Variants in SLC22A25 observed in about 807,000 individuals in gnomAD.
SLC22A25 encodes MGI:2442751, MGI:2385316, MGI:3042283, MGI:3645714, MGI:3605624, MGI:2442750.
A neutral mutation model predicts 45.9 loss-of-function variants in SLC22A25; 44 were observed. The observed-to-expected ratio is 0.96, with a 90% confidence interval of 0.75 to 1.23. The LOEUF is 1.23. Among genes scored for constraint, SLC22A25 ranks in the 50% most tolerant of loss-of-function variants. The pLI is 0.00. For synonymous variants in SLC22A25, 283 were observed against 238.6 expected, an observed-to-expected ratio of 1.19 and a Z score of -1.72; for missense variants, 800 against 666.4, an observed-to-expected ratio of 1.20 and a Z score of -2.21.
At chr11:63,217,106 G>T (rs1373980189) in intron 7 of SLC22A25, among the ~76,000 whole-genome samples, 1 of 152,132 alleles carries the variant, frequency 6.6e-6, no homozygotes, top group Non-Finnish European at 1.5e-5. Flanking sequence ...AGAAGTATTT[G>T]TTGATTATCT....
chr11:63,170,792 G>A (rs746398352), intron 9 of SLC22A25, among the ~76,000 whole-genome samples: 25 of 152,064 alleles, frequency 1.6e-4, no homozygotes, highest in Non-Finnish European at 3.5e-4. Context: ...GAAAAAGAGG[G>A]ACTCCTCCCT....
intron 11 of SLC22A25, 127 bp downstream of exon 11, chr11:63,164,399 G>C: frequency 1.1e-6 from 1 of 872,418 alleles, no homozygotes; most frequent in East Asian, 2.7e-5. Context: ...GTAATTTGTT[G>C]TTTTTATGAC....
At chr11:63,220,657 A>G (rs1177269304) in intron 5 of SLC22A25, among the ~76,000 whole-genome samples, 1 of 152,166 alleles carries the variant, frequency 6.6e-6, no homozygotes, top group Non-Finnish European at 1.5e-5. Context: ...AAAGTGTACA[A>G]TTAAATTATT....
chr11:63,187,083 A>C (rs1239665040), intron 7 of SLC22A25, among the ~76,000 whole-genome samples: 3 of 152,194 alleles, frequency 2.0e-5, no homozygotes, highest in East Asian at 1.9e-4. Flanking sequence ...TCTATGAAGA[A>C]AGTCATTGGT....
At chr11:63,202,972 T>C (rs756100507) in intron 7 of SLC22A25, among the ~76,000 whole-genome samples, 1 of 152,152 alleles carries the variant, frequency 6.6e-6, no homozygotes, top group Non-Finnish European at 1.5e-5. Context: ...CAGGCAGCAA[T>C]CTTTGCTGTT....
chr11:63,179,485 C>T (rs944663080), intron 9 of SLC22A25, among the ~76,000 whole-genome samples: 2 of 152,216 alleles, frequency 1.3e-5, no homozygotes, highest in African/African-American at 2.4e-5. Context: ...TGTATTTGTG[C>T]ATGTAGATTC....
chr11:63,236,895 G>C (rs73501609), intron 3 of SLC22A25, among the ~76,000 whole-genome samples: 3 of 152,074 alleles, frequency 2.0e-5, no homozygotes, highest in Admixed American at 1.3e-4. Context: ...CGGTTCCCCT[G>C]TCTGGGCTGT....
intron 9 of SLC22A25, among the ~76,000 whole-genome samples, chr11:63,175,739 G>A (rs1483965882): frequency 6.6e-6 from 1 of 151,846 alleles, no homozygotes; most frequent in African/African-American, 2.4e-5. Context: ...CAGGTCTCAT[G>A]TTAAGTCTTG....
chr11:63,217,666 A>C lies in SLC22A25; in HGVS notation c.576T>G (p.Phe192Leu), dbSNP rs1464633533. ...QLAIVGTCAA[F>L]APTILVYCSL... Reference sequence around the variant, plus strand: ...AGCAGTATACGAGGATGGTGGGAGCAAAGGCCGCACAGGTGCCTACAATGG... The same window carrying C: ...AGCAGTATACGAGGATGGTGGGAGCCAAGGCCGCACAGGTGCCTACAATGG... Residue 192 changes from phenylalanine to leucine, a missense_variant, in exon 6 of 12, where the codon TTT becomes TTG. Physicochemically the swap from Phe to Leu is conservative, Grantham distance 22. Coordinates refer to ENST00000306494, the MANE Select transcript of SLC22A25 (RefSeq NM_199352.6). 6.2e-7 allele frequency: 1 copy of C among 1,614,034 alleles called. No individual in the cohort carries two copies.
At chr11:63,230,714 A>G (rs1166438646) in intron 3 of SLC22A25, among the ~76,000 whole-genome samples, 1 of 152,218 alleles carries the variant, frequency 6.6e-6, no homozygotes, top group Non-Finnish European at 1.5e-5. Context: ...GATTTGTTAC[A>G]TATGTATACG....
chr11:63,162,982 G>A lies in SLC22A25; in HGVS notation c.*842C>T, dbSNP rs557181255. Among the ~76,000 whole-genome samples, 1 of 152,168 alleles carries A rather than the reference G, an allele frequency of 6.6e-6. No homozygotes were observed. The highest frequency in any genetic ancestry group is 2.1e-4 in the South Asian group (1 of 4,822). ...CATCTTCTCCTGGTGCAAATATAATGAAACCAACAAACAAAAAAGCTCAAA... is the reference window on the plus strand; with the variant it reads ...CATCTTCTCCTGGTGCAAATATAATAAAACCAACAAACAAAAAAGCTCAAA... On this transcript the variant is annotated 3_prime_UTR_variant, in exon 12 of 12. Transcript: ENST00000306494.
In SLC22A25 at chr11:63,211,441, G is replaced by A. The variant is rs1057508700; in HGVS notation, c.830+5873C>T. On this transcript the variant is annotated intron_variant, in intron 7 of 11. Transcript: ENST00000306494. ...TGGGACAGATTCCTGCTGAGGCCAC[G>A]TGGTTCACATGTCTGGACTTAAAGG... Among the ~76,000 whole-genome samples, 17 of 152,228 alleles carry A rather than the reference G, an allele frequency of 1.1e-4. 1 individual carries two copies. The highest frequency in any genetic ancestry group is 4.1e-4 in the South Asian group (2 of 4,820).
At chr11:63,195,522 T>C (rs1024841849) in intron 7 of SLC22A25, among the ~76,000 whole-genome samples, 18 of 151,962 alleles carry the variant, frequency 1.2e-4, no homozygotes, top group East Asian at 3.9e-4. Flanking sequence ...CATAACAAAA[T>C]GAAGGCAGAA....
intron 4 of SLC22A25, 41 bp downstream of exon 4, chr11:63,229,210 G>T: frequency 6.8e-7 from 1 of 1,476,926 alleles, no homozygotes; most frequent in Non-Finnish European, 9.0e-7. Context: ...ATTCTAAACA[G>T]CCAGGTCATG....
chr11:63,234,134 C>T (rs1214322472), intron 3 of SLC22A25, among the ~76,000 whole-genome samples: 1 of 152,164 alleles, frequency 6.6e-6, no homozygotes, highest in Non-Finnish European at 1.5e-5. Flanking sequence ...GTGGAGAGTT[C>T]TGTAGATGTC....
chr11:63,231,708 A>G (rs920882462), intron 3 of SLC22A25, among the ~76,000 whole-genome samples: 5 of 152,208 alleles, frequency 3.3e-5, no homozygotes, highest in African/African-American at 7.2e-5. Context: ...GTCCTTGCCC[A>G]TGCCTATGTC....
At chr11:63,228,366 G>T (rs2090003152) in intron 5 of SLC22A25, 95 bp downstream of exon 5, 1 of 975,788 alleles carries the variant, frequency 1.0e-6, no homozygotes, top group Non-Finnish European at 1.6e-6. Flanking sequence ...GGGAGCAACA[G>T]GATAGTGTGA....
At chr11:63,187,690 A>G (rs2088616514) in intron 7 of SLC22A25, among the ~76,000 whole-genome samples, 1 of 152,150 alleles carries the variant, frequency 6.6e-6, no homozygotes, top group Admixed American at 6.6e-5. Context: ...TTTGTCATAG[A>G]TAGCTCTTAT....
At chr11:63,188,331 A>G (rs4408318) in intron 7 of SLC22A25, among the ~76,000 whole-genome samples, 150,335 of 152,270 alleles carry the variant, frequency 0.99, 74,251 homozygotes, top group Middle Eastern at 1. Flanking sequence ...GTTTATTTGC[A>G]TAGAGGTTTT....
Sources: gnomAD v4.1 joint callset for allele counts (sites outside exome capture counted in the v4.1 genomes callset) on GRCh38, gnomAD v4.1.1 for gene constraint, MANE v1.5 for transcripts, NCBI Gene and HGNC (gene_info 2026-07-23, HGNC 2026-07-21) for gene names.